RALGAPB: variants seen among roughly 807,000 people sequenced by gnomAD.
RALGAPB encodes ral GTPase-activating protein subunit beta.
In RALGAPB, 25 loss-of-function variants were observed where a neutral mutation model predicts 161.1. The ratio of observed to expected loss-of-function variants is 0.16; its 90% CI spans 0.11 to 0.22. The LOEUF (loss-of-function observed/expected upper bound fraction) is 0.22, where lower values mean the gene tolerates loss of function less well. RALGAPB is among the 10% of genes least tolerant of loss of function. The pLI is 1.00. For missense variants in RALGAPB, 1,391 were observed against 1,815.2 expected (o/e 0.77, Z 4.25); for synonymous variants, 629 against 626.1 (o/e 1.00, Z -0.07).
chr20:38,573,905 C>G (rs889691595), intron 28 of RALGAPB: 9 of 292,758 alleles, frequency 3.1e-5, no homozygotes, highest in Middle Eastern at 9.8e-4. Flanking sequence ...TTTTTCAGCT[C>G]CTTTCTGTTA....
chr20:38,552,755 A>G (rs945261520), intron 21 of RALGAPB, among the ~76,000 whole-genome samples: 1 of 152,202 alleles, frequency 6.6e-6, no homozygotes, highest in African/African-American at 2.4e-5. Flanking sequence ...GACAGTTCTT[A>G]AGAATTGCCA....
intron 5 of RALGAPB, among the ~76,000 whole-genome samples, chr20:38,501,591 TGG>T (rs1192582523): frequency 2.0e-5 from 3 of 152,028 alleles, no homozygotes; most frequent in Admixed American, 1.3e-4. Context: ...TTAGTAGAGG[TGG>T]GGGTTTCACC....
At chr20:38,536,415 A>G (rs1003919600) in intron 16 of RALGAPB, among the ~76,000 whole-genome samples, 1 of 152,210 alleles carries the variant, frequency 6.6e-6, no homozygotes, top group East Asian at 1.9e-4. Flanking sequence ...GGCTGTTGTC[A>G]GTAGTGCTGC....
chr20:38,567,534 T>C (rs2088051564), intron 26 of RALGAPB, among the ~76,000 whole-genome samples: 1 of 152,178 alleles, frequency 6.6e-6, no homozygotes, highest in Non-Finnish European at 1.5e-5. Context: ...TCCACTAAAG[T>C]TACTGCAGTA....
chr20:38,497,596 A>C, intron 4 of RALGAPB, 80 bp downstream of exon 4: 1 of 1,426,546 alleles, frequency 7.0e-7, no homozygotes, highest in Non-Finnish European at 9.5e-7. Context: ...CGGTAGACTC[A>C]TTGGGGATTT....
chr20:38,522,227 G>A (rs1369740483), intron 10 of RALGAPB, among the ~76,000 whole-genome samples: 1 of 152,210 alleles, frequency 6.6e-6, no homozygotes. Flanking sequence ...TGATTATGCT[G>A]GACTTATAAA....
At chr20:38,494,867 GAA>G (rs962503752) in intron 3 of RALGAPB, among the ~76,000 whole-genome samples, 6 of 151,932 alleles carry the variant, frequency 3.9e-5, no homozygotes, top group African/African-American at 1.5e-4. Context: ...TTGTATTGAT[GAA>G]AAAAAATTAA....
chr20:38,504,713 A>G (rs1480557024), intron 5 of RALGAPB, among the ~76,000 whole-genome samples: 2 of 152,202 alleles, frequency 1.3e-5, no homozygotes, highest in Non-Finnish European at 2.9e-5. Context: ...ATCTATAAGG[A>G]ACTTAAAGCA....
rs555673750 is a variant in RALGAPB, at chr20:38,482,730, A to G, written c.-30-5673A>G. The stretch of plus-strand genomic sequence containing the variant: ...AGGCGTGAGCCACCGCGTCTGGTGT[A>G]TGTGTTTATCTGGTTGTAATTATGA... On this transcript the variant is annotated intron_variant, in intron 1 of 29. Coordinates refer to ENST00000262879, the MANE Select transcript of RALGAPB (RefSeq NM_020336.4). Among the ~76,000 whole-genome samples, 12 of 152,040 alleles carry G rather than the reference A, an allele frequency of 7.9e-5. No individual in the cohort carries two copies. In the East Asian group the frequency reaches 2.3e-3, roughly 30 times the overall value.
Position 38,488,567 on chromosome 20 carries a change from A to G in RALGAPB, c.135A>G (p.Leu45=). The G allele has an allele frequency of 6.2e-7, 1 of 1,614,228 alleles. No individual in the cohort carries two copies. Among genetic ancestry groups the G allele is most frequent in the African/African-American group, 1.3e-5 (1 of 75,070 alleles). The change falls in exon 2 of 30, where the codon TTA becomes TTG. Residue 45 remains leucine, a synonymous_variant. Coordinates refer to ENST00000262879, the MANE Select transcript of RALGAPB (RefSeq NM_020336.4). ...TAGTCCGTCCTCTTGGGCAGGTGTTAGGTACCCCTTCAGTGGCTGGTAGTG... is the reference window on the plus strand; with the variant it reads ...TAGTCCGTCCTCTTGGGCAGGTGTTGGGTACCCCTTCAGTGGCTGGTAGTG... ...NAVVRPLGQV[L]GTPSVAGSEN...
In RALGAPB at chr20:38,552,159, A is replaced by G. The variant is rs368174026; in HGVS notation, c.3162+936A>G. Among the ~76,000 whole-genome samples the G allele has an allele frequency of 4.9e-4, 69 of 141,188 alleles. 1 individual carries two copies. The highest frequency in any genetic ancestry group is 1.7e-3 in the African/African-American group (68 of 39,262). The allele number at this position is 141,188 out of a possible 152,430, so 92.6% of individuals were successfully genotyped here. On this transcript the variant is annotated intron_variant, in intron 21 of 29. Transcript: ENST00000262879. Reference sequence around the variant, plus strand: ...AGGCTGATTTTTTTTTTTTTTTCTGAGATGGAGTTTCGCTCTTGTTGCCCA... The same window carrying G: ...AGGCTGATTTTTTTTTTTTTTTCTGGGATGGAGTTTCGCTCTTGTTGCCCA...
At chr20:38,524,280 G>C (rs995501456) in intron 10 of RALGAPB, among the ~76,000 whole-genome samples, 7 of 152,138 alleles carry the variant, frequency 4.6e-5, no homozygotes, top group Admixed American at 2.6e-4. Context: ...AAAAATAATG[G>C]GGAAGGGACA....
chr20:38,511,016 C>T (rs1276799383), intron 6 of RALGAPB, among the ~76,000 whole-genome samples: 3 of 152,104 alleles, frequency 2.0e-5, no homozygotes, highest in African/African-American at 7.2e-5. Flanking sequence ...TCATCTTCAA[C>T]AGATGACTCC....
At position 38,562,582 on chromosome 20, in the gene RALGAPB, A is replaced by G. The variant is rs1463376040; in HGVS notation, c.3582A>G (p.Glu1194=). The G allele has an allele frequency of 6.2e-7, 1 of 1,613,352 alleles. No homozygotes were observed. Among genetic ancestry groups the G allele is most frequent in the Non-Finnish European group, 8.5e-7 (1 of 1,179,570 alleles). ...GAACTGTTCAGCCACATTTCCTAGAATTTTTGCTTTCCCTTGGCTGGTCAG... is the reference window on the plus strand; with the variant it reads ...GAACTGTTCAGCCACATTTCCTAGAGTTTTTGCTTTCCCTTGGCTGGTCAG... ...SSRTVQPHFL[E]FLLSLGWSVD... The change falls in exon 24 of 30, where the codon GAA becomes GAG. Residue 1194 remains glutamate, a synonymous_variant. Coordinates refer to ENST00000262879, the MANE Select transcript of RALGAPB (RefSeq NM_020336.4).
At chr20:38,560,061 A>C (rs2087732098) in intron 23 of RALGAPB, among the ~76,000 whole-genome samples, 1 of 152,230 alleles carries the variant, frequency 6.6e-6, no homozygotes. Flanking sequence ...GCACTGTTTC[A>C]AATGATTTGT....
chr20:38,528,345 T>TTTTATTTATTTA (rs55916951), intron 13 of RALGAPB, among the ~76,000 whole-genome samples: 14 of 147,360 alleles, frequency 9.5e-5, no homozygotes, highest in African/African-American at 3.3e-4. Context: ...TTCATTTTAT[T>TTTTATTTATTTA]TTTATTTATT....
chr20:38,485,222 T>C (rs1463065387), intron 1 of RALGAPB, among the ~76,000 whole-genome samples: 1 of 152,200 alleles, frequency 6.6e-6, no homozygotes, highest in Non-Finnish European at 1.5e-5. Flanking sequence ...AATTGTTCAT[T>C]GTGCAGGACT....
At chr20:38,561,812 A>G (rs1317991122) in intron 23 of RALGAPB, among the ~76,000 whole-genome samples, 1 of 152,154 alleles carries the variant, frequency 6.6e-6, no homozygotes, top group Non-Finnish European at 1.5e-5. Context: ...GGCCTCTACC[A>G]CTAGATATTT....
intron 6 of RALGAPB, among the ~76,000 whole-genome samples, chr20:38,515,637 T>A (rs1169680612): frequency 2.0e-5 from 3 of 152,240 alleles, no homozygotes; most frequent in South Asian, 2.1e-4. Context: ...TGTTTTTTTT[T>A]AATTGAAAAT....
Sources: gnomAD v4.1 joint callset for allele counts (sites outside exome capture counted in the v4.1 genomes callset) on GRCh38, gnomAD v4.1.1 for gene constraint, MANE v1.5 for transcripts, NCBI Gene and HGNC (gene_info 2026-07-23, HGNC 2026-07-21) for gene names.